Variants in LRRC63 observed in about 807,000 individuals in gnomAD.
The protein encoded by LRRC63 is leucine rich repeat containing 63.
Under a neutral mutation model 49.5 loss-of-function variants are expected in LRRC63, and 40 were observed. The observed-to-expected ratio is 0.81, with a 90% CI of 0.63 to 1.05. The LOEUF (loss-of-function observed/expected upper bound fraction) is 1.05, where lower values mean the gene tolerates loss of function less well. Ranked by LOEUF, LRRC63 falls within the 50% of genes least tolerant of loss-of-function variation. The pLI is 0.00. For missense variants in LRRC63, 636 were observed against 663.1 expected (o/e 0.96, Z 0.45); for synonymous variants, 191 against 221.1 (o/e 0.86, Z 1.21).
rs1303138376 is a variant in LRRC63, at chr13:46,214,482, A to C, written c.85+1363A>C. ...TAGTTTCTCCATTCATCTTTTGTTT[A>C]AAGTTTATCTTCTAGTACAGAATTT... On this transcript the variant is annotated intron_variant, in intron 2 of 9. Coordinates refer to ENST00000595396, the Ensembl canonical transcript of LRRC63. 5.3e-5 allele frequency among the ~76,000 whole-genome samples: 8 copies of C among 152,098 alleles called. 1 individual carries two copies. Among genetic ancestry groups the C allele is most frequent in the Admixed American group, 5.2e-4 (8 of 15,270 alleles).
chr13:46,213,446 G>T (rs942491448), intron 2 of LRRC63, among the ~76,000 whole-genome samples: 1 of 152,194 alleles, frequency 6.6e-6, no homozygotes, highest in Non-Finnish European at 1.5e-5. Flanking sequence ...GTGGAACAAG[G>T]CTACCTCTAC....
intron 7 of LRRC63, among the ~76,000 whole-genome samples, chr13:46,251,232 G>A (rs1316949764): frequency 6.6e-6 from 1 of 151,718 alleles, no homozygotes; most frequent in Non-Finnish European, 1.5e-5. Context: ...TTATAAAGAT[G>A]TTCATTCAGT....
chr13:46,264,913 T>G lies in LRRC63; in HGVS notation c.1311-1820T>G, dbSNP rs140117451. ...GGCTCACACCTGTAATCCTAGCACT[T>G]TGGGAGGCCGAGGAGGGTGTATTGC... On this transcript the variant is annotated intron_variant, in intron 8 of 9. Transcript: ENST00000595396. Among the ~76,000 whole-genome samples the G allele has an allele frequency of 6.1e-3, 926 of 152,172 alleles. 11 individuals are homozygous for G. Among genetic ancestry groups the G allele is most frequent in the African/African-American group, 0.021 (864 of 41,502 alleles).
intron 7 of LRRC63, among the ~76,000 whole-genome samples, chr13:46,253,824 A>G (rs1345127288): frequency 6.6e-6 from 1 of 152,186 alleles, no homozygotes; most frequent in Non-Finnish European, 1.5e-5. Context: ...GTTTGAATGA[A>G]GGAAAATAAT....
At chr13:46,249,326 T>A (rs1038369287) in intron 6 of LRRC63, among the ~76,000 whole-genome samples, 4 of 151,304 alleles carry the variant, frequency 2.6e-5, no homozygotes, top group African/African-American at 7.3e-5. Context: ...ACAGAGAAAA[T>A]TTAAAAACAG....
At chr13:46,267,078 A>C (rs2047693887) in intron 9 of LRRC63, 106 bp downstream of exon 9, 6 of 1,038,130 alleles carry the variant, frequency 5.8e-6, no homozygotes, top group Non-Finnish European at 6.7e-6. Context: ...CACATACTCC[A>C]TGACACACAC....
rs912770827 is a variant in LRRC63 at position 46,245,791 on chromosome 13, G to A, written c.991-736G>A. On this transcript the variant is annotated intron_variant, in intron 5 of 9. Transcript: ENST00000595396. ...AAATAGAGGTGGAGATATAAAAAGG[G>A]GGTAAAGAAAATAATTAAATATAAA... 1.1e-4 allele frequency among the ~76,000 whole-genome samples: 17 copies of A among 152,088 alleles called. 1 individual carries two copies.
At chr13:46,273,940 G>C (rs2138600095) in intron 9 of LRRC63, among the ~76,000 whole-genome samples, 1 of 150,322 alleles carries the variant, frequency 6.7e-6, no homozygotes, top group South Asian at 2.1e-4. Flanking sequence ...GTACCAAGAA[G>C]TGAGCTAAAA....
chr13:46,218,788 G>T (rs1279021002), intron 2 of LRRC63, among the ~76,000 whole-genome samples: 2 of 152,146 alleles, frequency 1.3e-5, no homozygotes, highest in Non-Finnish European at 2.9e-5. Context: ...CTCTTGTAAG[G>T]CAGGCCTGGT....
chr13:46,221,087 G>A (rs1019415414), intron 2 of LRRC63, among the ~76,000 whole-genome samples: 4 of 152,150 alleles, frequency 2.6e-5, no homozygotes, highest in Non-Finnish European at 4.4e-5. Context: ...TGGTAGTAAG[G>A]TTTGTGTTAT....
At chr13:46,229,804 A>T (rs2046691573) in intron 4 of LRRC63, among the ~76,000 whole-genome samples, 1 of 152,158 alleles carries the variant, frequency 6.6e-6, no homozygotes, top group Non-Finnish European at 1.5e-5. Flanking sequence ...TGGATAATTT[A>T]TAGGGAAGAA....
intron 9 of LRRC63, among the ~76,000 whole-genome samples, chr13:46,269,061 C>A (rs1201341962): frequency 6.6e-6 from 1 of 151,886 alleles, no homozygotes; most frequent in Non-Finnish European, 1.5e-5. Flanking sequence ...GATAATAAGA[C>A]TCAGTACTAA....
intron 6 of LRRC63, among the ~76,000 whole-genome samples, chr13:46,247,039 A>G (rs2047234026): frequency 6.6e-6 from 1 of 152,186 alleles, no homozygotes; most frequent in Non-Finnish European, 1.5e-5. Context: ...TGTATGAAGG[A>G]TAATCAGATA....
intron 2 of LRRC63, among the ~76,000 whole-genome samples, chr13:46,218,840 T>C (rs2046327377): frequency 6.6e-6 from 1 of 152,216 alleles, no homozygotes; most frequent in Admixed American, 6.5e-5. Context: ...GTAATGGATT[T>C]TATTTCTCCT....
At chr13:46,240,686 C>T (rs982202173) in intron 5 of LRRC63, among the ~76,000 whole-genome samples, 3 of 152,126 alleles carry the variant, frequency 2.0e-5, no homozygotes, top group African/African-American at 7.2e-5. Context: ...TATACACCAA[C>T]AACAGTCAAG....
intron 2 of LRRC63, among the ~76,000 whole-genome samples, chr13:46,213,898 A>C (rs1009053376): frequency 5.3e-5 from 8 of 152,214 alleles, no homozygotes; most frequent in African/African-American, 1.9e-4. Context: ...ACAAGGACCG[A>C]ATATATTTAG....
intron 5 of LRRC63, among the ~76,000 whole-genome samples, chr13:46,236,394 A>G (rs2138448709): frequency 6.6e-6 from 1 of 152,286 alleles, no homozygotes; most frequent in African/African-American, 2.4e-5. Context: ...TCAAAAGCCA[A>G]AGTCAAAGAA....
At chr13:46,265,870 C>G (rs1405685025) in intron 8 of LRRC63, among the ~76,000 whole-genome samples, 1 of 152,186 alleles carries the variant, frequency 6.6e-6, no homozygotes, top group Non-Finnish European at 1.5e-5. Flanking sequence ...ATAAAGAGAG[C>G]TGAGGTGCCA....
At chr13:46,225,256 A>G (rs2046535881) in intron 2 of LRRC63, among the ~76,000 whole-genome samples, 1 of 152,200 alleles carries the variant, frequency 6.6e-6, no homozygotes, top group South Asian at 2.1e-4. Flanking sequence ...CAGCAGTGCT[A>G]CAGTGCCATG....
Sources: gnomAD v4.1 joint callset for allele counts (sites outside exome capture counted in the v4.1 genomes callset) on GRCh38, gnomAD v4.1.1 for gene constraint, MANE v1.5 for transcripts, NCBI Gene and HGNC (gene_info 2026-07-23, HGNC 2026-07-21) for gene names.